Variants in CACNA1C observed in about 807,000 individuals in gnomAD.
CACNA1C encodes voltage-dependent L-type calcium channel subunit alpha-1C.
Under a neutral mutation model 229.0 loss-of-function variants are expected in CACNA1C, and 30 were observed. That is an observed-to-expected ratio of 0.13 (90% CI 0.10 to 0.18). The LOEUF (loss-of-function observed/expected upper bound fraction) is 0.18. Among genes scored for constraint, CACNA1C ranks in the 10% least tolerant of loss-of-function variants. CACNA1C has a pLI of 1.00. For missense variants in CACNA1C, 1,658 were observed against 2,845.0 expected, an observed-to-expected ratio of 0.58 and a Z score of 9.49; for synonymous variants, 1,114 against 1,132.5, an observed-to-expected ratio of 0.98 and a Z score of 0.33.
chr12:2,478,296 T>C (rs529597183), intron 5 of CACNA1C, among the ~76,000 whole-genome samples: 2 of 152,272 alleles, frequency 1.3e-5, no homozygotes, highest in East Asian at 3.9e-4. Context: ...CAGTCACTGC[T>C]TGAGAGCATC....
At chr12:2,564,352 C>T (rs2049135543) in intron 11 of CACNA1C, among the ~76,000 whole-genome samples, 1 of 152,150 alleles carries the variant, frequency 6.6e-6, no homozygotes, top group Admixed American at 6.5e-5. Context: ...GAGGCAGATT[C>T]TGCATGCTTA....
At chr12:2,572,350 CCTCCTCTCCTCCTCCTTCTCCT>C (rs2055296714) in intron 13 of CACNA1C, among the ~76,000 whole-genome samples, 1 of 111,014 alleles carries the variant, frequency 9.0e-6, no homozygotes, top group Non-Finnish European at 2.0e-5. Context: ...TCCTCCTCCT[CCTCCTCTCCTCCTCCTTCTCCT>C]CTTCCTCCTC....
intron 1 of CACNA1C, among the ~76,000 whole-genome samples, chr12:1,977,263 T>C (rs1174237017): frequency 6.6e-6 from 1 of 152,194 alleles, no homozygotes; most frequent in Non-Finnish European, 1.5e-5. Context: ...GTTAGCATGC[T>C]CGGCCATGAT....
In CACNA1C at chr12:2,215,612, A is replaced by T. The variant is rs150663990; in HGVS notation, c.477+95182A>T. Among the ~76,000 whole-genome samples, 72 of 152,366 alleles carry T rather than the reference A, an allele frequency of 4.7e-4. No individual in the cohort carries two copies. Among genetic ancestry groups the T allele is most frequent in the African/African-American group, 1.6e-3 (65 of 41,582 alleles). On this transcript the variant is annotated intron_variant, in intron 3 of 46. Transcript: ENST00000399655. The surrounding 1 kb of genome is among the most constrained non-coding windows in gnomAD (Gnocchi z 5.0). ...ATGGACATAAAGGGGCACTGCAGCC[A>T]GTCCCCTGTGGAGGATCAGGATGTC...
intron 1 of CACNA1C, among the ~76,000 whole-genome samples, chr12:2,041,879 C>T (rs1426903559): frequency 6.6e-6 from 1 of 152,232 alleles, no homozygotes; most frequent in Non-Finnish European, 1.5e-5. Context: ...TGTGCTGACC[C>T]AGGGCCTCCA....
rs2073389821 is a variant in CACNA1C at position 2,602,839 on chromosome 12, T to A, written c.2960+879T>A. On this transcript the variant is annotated intron_variant, in intron 22 of 46. Transcript: ENST00000399655. The surrounding 1 kb of genome is among the most constrained non-coding windows in gnomAD (Gnocchi z 4.4). ...GATAGTGTGAATCCTACACTTTAAC[T>A]TTCAAAGCACTTCCACATACACATT... Among the ~76,000 whole-genome samples, 1 of 152,156 alleles carries A rather than the reference T, an allele frequency of 6.6e-6. No individual in the cohort carries two copies. Among genetic ancestry groups the A allele is most frequent in the Non-Finnish European group, 1.5e-5 (1 of 68,036 alleles).
chr12:2,305,986 C>G (rs1265869226), intron 3 of CACNA1C, among the ~76,000 whole-genome samples: 2 of 152,222 alleles, frequency 1.3e-5, no homozygotes, highest in African/African-American at 4.8e-5. Flanking sequence ...TATCGACCTT[C>G]TCCACTTTAC....
intron 1 of CACNA1C, among the ~76,000 whole-genome samples, chr12:2,059,875 C>A (rs1019153525): frequency 6.6e-6 from 1 of 152,124 alleles, no homozygotes; most frequent in African/African-American, 2.4e-5. Context: ...ATTGTTAGTG[C>A]TTCTGGCTAA....
chr12:2,018,841 T>C (rs1227091249), intron 1 of CACNA1C, among the ~76,000 whole-genome samples: 1 of 152,194 alleles, frequency 6.6e-6, no homozygotes, highest in East Asian at 1.9e-4. Flanking sequence ...AGACAGAACT[T>C]TTCCCTTACG....
In CACNA1C at chr12:2,597,315, C is replaced by T; in HGVS notation, c.2853+26C>T. On this transcript the variant is annotated intron_variant, in intron 21 of 46. Coordinates refer to ENST00000399655, the MANE Select transcript of CACNA1C (RefSeq NM_000719.7). The surrounding 1 kb of genome is among the most constrained non-coding windows in gnomAD (Gnocchi z 4.3). ...GTAAAGCCCCCATCCCCTTCTGCTC[C>T]TCCTGTCCCCCTTGTGCCAGCACCA... 1.3e-6 allele frequency: 2 copies of T among 1,575,614 alleles called. No individual in the cohort carries two copies. Among genetic ancestry groups the T allele is most frequent in the Non-Finnish European group, 1.7e-6 (2 of 1,145,138 alleles).
At position 2,226,462 on chromosome 12, in the gene CACNA1C, T is replaced by C. The variant is rs555056744; in HGVS notation, c.477+106032T>C. Among the ~76,000 whole-genome samples, 5 of 152,304 alleles carry C rather than the reference T, an allele frequency of 3.3e-5. No homozygotes were observed. In the East Asian group the frequency reaches 5.8e-4, roughly 18 times the overall value. On this transcript the variant is annotated intron_variant, in intron 3 of 46. Coordinates refer to ENST00000399655, the MANE Select transcript of CACNA1C (RefSeq NM_000719.7). Reference sequence around the variant, plus strand: ...ATACCCTGACTTTCTCTCTGGAAGATGGTCAGCAGTCTAAAGCCAATGTAT... The same window carrying C: ...ATACCCTGACTTTCTCTCTGGAAGACGGTCAGCAGTCTAAAGCCAATGTAT...
At chr12:2,008,200 C>G (rs1379716718) in intron 1 of CACNA1C, among the ~76,000 whole-genome samples, 1 of 152,206 alleles carries the variant, frequency 6.6e-6, no homozygotes, top group Non-Finnish European at 1.5e-5. Flanking sequence ...TCACTGCAGA[C>G]TTGACCTCCT....
At position 2,599,265 on chromosome 12, in the gene CACNA1C, C is replaced by T. The variant is rs563389514; in HGVS notation, c.2853+1976C>T. Among the ~76,000 whole-genome samples, 85 of 152,304 alleles carry T rather than the reference C, an allele frequency of 5.6e-4. 1 individual carries two copies. The highest frequency in any genetic ancestry group is 1.9e-3 in the African/African-American group (79 of 41,552). On this transcript the variant is annotated intron_variant, in intron 21 of 46. Coordinates refer to ENST00000399655, the MANE Select transcript of CACNA1C (RefSeq NM_000719.7). The stretch of plus-strand genomic sequence containing the variant: ...CTGAATAGAAACCCCAATGCCGGAA[C>T]ACTCCCCTGTACCTCCTTCCCACTG...
upstream of CACNA1C, chr12:2,049,093 G>A (rs569172149): frequency 7.2e-5 from 11 of 152,082 alleles, no homozygotes; most frequent in South Asian, 2.1e-4. Context: ...CTTTTTCCAC[G>A]TTACTAATAT....
chr12:2,115,523 T>A lies in CACNA1C; in HGVS notation c.349T>A (p.Cys117Ser). ...CCTGAAGAACCCCATCCGGAGGGCC[T>A]GCATCAGCATTGTCGAATGGAAATA... Reference protein sequence around the residue: ...LTLKNPIRRACISIVEWKPFE... With the variant: ...LTLKNPIRRASISIVEWKPFE... The change falls in exon 2 of 47, where the codon TGC becomes AGC. Residue 117 changes from cysteine (C) to serine (S), a missense_variant. Around this residue, in one of 20 missense-constraint regions of CACNA1C, gnomAD observed 89 missense variants for 177.8 expected, o/e 0.50. Coordinates refer to ENST00000399655, the MANE Select transcript of CACNA1C (RefSeq NM_000719.7). 1 of 1,613,414 alleles carries A rather than the reference T, an allele frequency of 6.2e-7. No individual in the cohort carries two copies. The highest frequency in any genetic ancestry group is 8.5e-7 in the Non-Finnish European group (1 of 1,179,854).
At chr12:2,169,686 G>A (rs1469382996) in intron 3 of CACNA1C, among the ~76,000 whole-genome samples, 5 of 152,198 alleles carry the variant, frequency 3.3e-5, no homozygotes, top group South Asian at 2.1e-4. Flanking sequence ...GCCTCTGTTT[G>A]TTGGTTCTGG....
intron 9 of CACNA1C, among the ~76,000 whole-genome samples, chr12:2,533,204 G>A (rs568967799): frequency 6.6e-6 from 1 of 152,248 alleles, no homozygotes; most frequent in African/African-American, 2.4e-5. Flanking sequence ...TTTGGTTTGG[G>A]GTCGGTTTCT....
chr12:2,210,872 T>A (rs1566421474), intron 3 of CACNA1C, among the ~76,000 whole-genome samples: 1 of 152,162 alleles, frequency 6.6e-6, no homozygotes, highest in Non-Finnish European at 1.5e-5. Flanking sequence ...CTCTGGTAAC[T>A]CCTTTCCAAT....
intron 4 of CACNA1C, among the ~76,000 whole-genome samples, chr12:2,450,469 G>A (rs938914834): frequency 1.4e-5 from 2 of 147,958 alleles, no homozygotes; most frequent in African/African-American, 2.5e-5. Context: ...CAGGAGAATG[G>A]CGTGAACCCG....
Sources: allele counts gnomAD v4.1 joint callset (sites outside exome capture counted in the v4.1 genomes callset), GRCh38; gene constraint gnomAD v4.1.1; regional missense constraint gnomAD v4.1.1; non-coding constraint Gnocchi (gnomAD v3.1); transcripts MANE v1.5; gene names NCBI Gene and HGNC (gene_info 2026-07-23, HGNC 2026-07-21).